The following FSIP1 variants were observed in gnomAD, a reference collection of about 807,000 sequenced individuals.
FSIP1 encodes fibrous sheath interacting protein 1.
FSIP1 carries 65 observed loss-of-function variants against 60.9 expected under a neutral mutation model. The ratio of observed to expected loss-of-function variants is 1.07; its 90% CI spans 0.87 to 1.31. The LOEUF is 1.31. Ranked by LOEUF, FSIP1 falls within the 40% of genes most tolerant of loss-of-function variation. The pLI is 0.00. For missense variants in FSIP1, 675 were observed against 665.5 expected (o/e 1.01, Z -0.16); for synonymous variants, 209 against 221.2 (o/e 0.94, Z 0.49).
rs367902540 is a variant in FSIP1, at chr15:39,691,891, T to G, written c.1188+21553A>C. ...GTGAGGGGGTAGATAGATAGATAGATAGAGAGCGAGTGATAGATAGAGAAT... is the reference window on the plus strand; with the variant it reads ...GTGAGGGGGTAGATAGATAGATAGAGAGAGAGCGAGTGATAGATAGAGAAT... On this transcript the variant is annotated intron_variant, in intron 10 of 11. Transcript: ENST00000350221. 1.5e-4 allele frequency among the ~76,000 whole-genome samples: 23 copies of G among 152,252 alleles called. No individual in the cohort carries two copies. The East Asian group carries it at 1.9e-3, about 13-fold the overall frequency.
At chr15:39,598,474 T>G (rs1297865706), downstream of FSIP1, 2 of 152,338 alleles carry the variant, frequency 1.3e-5, no homozygotes, top group Middle Eastern at 3.4e-3. Flanking sequence ...TTAAATACCA[T>G]CATTCATTAT....
At chr15:39,653,952 T>TA (rs1892975516) in intron 10 of FSIP1, among the ~76,000 whole-genome samples, 1 of 152,190 alleles carries the variant, frequency 6.6e-6, no homozygotes, top group African/African-American at 2.4e-5. Flanking sequence ...ATGGTACTGT[T>TA]AAAAACTAAA....
At chr15:39,621,911 A>C (rs956425708) in intron 10 of FSIP1, among the ~76,000 whole-genome samples, 1 of 152,210 alleles carries the variant, frequency 6.6e-6, no homozygotes, top group Non-Finnish European at 1.5e-5. Context: ...CCACAGTCAA[A>C]GCTCAGTCAA....
intron 8 of FSIP1, among the ~76,000 whole-genome samples, chr15:39,735,190 C>T (rs937781732): frequency 2.6e-5 from 4 of 152,132 alleles, no homozygotes; most frequent in South Asian, 2.1e-4. Flanking sequence ...TGTCGCTTAA[C>T]GACAGGAATA....
At chr15:39,651,717 A>G (rs538164734) in intron 10 of FSIP1, among the ~76,000 whole-genome samples, 7 of 152,350 alleles carry the variant, frequency 4.6e-5, no homozygotes, top group African/African-American at 1.4e-4. Flanking sequence ...AAAGAATTCT[A>G]TTAAACCTCT....
At chr15:39,613,195 T>A (rs1891097579) in intron 11 of FSIP1, among the ~76,000 whole-genome samples, 1 of 152,170 alleles carries the variant, frequency 6.6e-6, no homozygotes, top group Non-Finnish European at 1.5e-5. Flanking sequence ...CAATAACAAA[T>A]ACTTTTTAAA....
chr15:39,611,479 T>C (rs1375625313), intron 11 of FSIP1, among the ~76,000 whole-genome samples: 1 of 152,048 alleles, frequency 6.6e-6, no homozygotes, highest in African/African-American at 2.4e-5. Context: ...ATAAACCTGA[T>C]GGTAAACACA....
chr15:39,713,720 G>A lies in FSIP1; in HGVS notation c.1051-139C>T, dbSNP rs1895622931. On this transcript the variant is annotated intron_variant, in intron 9 of 11. Coordinates refer to ENST00000350221, the MANE Select transcript of FSIP1 (RefSeq NM_152597.5). ...TTCCCTTCAAAACAATATGTATAAC[G>A]CTTTAAAGTCTTCCCATTTTAGGAG... The A allele has an allele frequency of 1.9e-5, 13 of 688,444 alleles. 1 individual carries two copies. Among genetic ancestry groups the A allele is most frequent in the South Asian group, 1.1e-4 (4 of 37,092 alleles). The allele number at this position is 688,444 out of a possible 1,614,324, so 42.6% of individuals were successfully genotyped here. A position where few individuals can be genotyped will look rare whatever the true frequency, so the allele number is the denominator to read the frequency against.
intron 10 of FSIP1, among the ~76,000 whole-genome samples, chr15:39,684,371 C>A (rs1157053712): frequency 1.3e-5 from 2 of 152,192 alleles, no homozygotes; most frequent in African/African-American, 4.8e-5. Flanking sequence ...AGAACAGACA[C>A]TACAGCTGTG....
rs982586748 is a variant in FSIP1 at position 39,600,547 on chromosome 15, T to G, written c.*333A>C. 1 of 185,936 alleles carries G rather than the reference T, an allele frequency of 5.4e-6. No individual in the cohort carries two copies. The highest frequency in any genetic ancestry group is 2.4e-5 in the African/African-American group (1 of 42,268). The allele number at this position is 185,936 out of a possible 1,614,324, so 11.5% of individuals were successfully genotyped here. On this transcript the variant is annotated 3_prime_UTR_variant, in exon 12 of 12. Coordinates refer to ENST00000350221, the MANE Select transcript of FSIP1 (RefSeq NM_152597.5). ...CACAGTAGAGGTGAAACATACAAAA[T>G]TGAATACAGGACAATCACAGCACTT...
intron 10 of FSIP1, among the ~76,000 whole-genome samples, chr15:39,666,065 C>T (rs577522020): frequency 6.6e-6 from 1 of 152,274 alleles, no homozygotes; most frequent in East Asian, 1.9e-4. Context: ...CAATTTGGAG[C>T]CTCTGGTTAA....
rs1044013667 is a variant in FSIP1, at chr15:39,738,207, G to A, written c.781-6C>T. On this transcript the variant is annotated splice_polypyrimidine_tract_variant and splice_region_variant and intron_variant, in intron 7 of 11. Transcript: ENST00000350221. Reference sequence around the variant, plus strand: ...TTTCTTGATTCCTTGGCCAACTACAGAATTTATTAATGGAAAATATCATAT... The same window carrying A: ...TTTCTTGATTCCTTGGCCAACTACAAAATTTATTAATGGAAAATATCATAT... The A allele has an allele frequency of 6.4e-7, 1 of 1,565,816 alleles. No homozygotes were observed. Among genetic ancestry groups the A allele is most frequent in the Admixed American group, 1.7e-5 (1 of 57,546 alleles).
Position 39,604,117 on chromosome 15 carries a change from G to A in FSIP1, c.1700-3191C>T, listed in dbSNP as rs187589128. On this transcript the variant is annotated intron_variant, in intron 11 of 11. Coordinates refer to ENST00000350221, the MANE Select transcript of FSIP1 (RefSeq NM_152597.5). Reference sequence around the variant, plus strand: ...CGGCTAATTTTGTATTTTTAGTACAGATGGGGTTTCTCCGTGTTGGTTAGG... The same window carrying A: ...CGGCTAATTTTGTATTTTTAGTACAAATGGGGTTTCTCCGTGTTGGTTAGG... Among the ~76,000 whole-genome samples, 202 of 152,370 alleles carry A rather than the reference G, an allele frequency of 1.3e-3. 1 individual carries two copies. Among genetic ancestry groups the A allele is most frequent in the African/African-American group, 4.8e-3 (198 of 41,582 alleles).
chr15:39,716,812 CTTT>C (rs72106293), intron 9 of FSIP1, among the ~76,000 whole-genome samples: 2 of 110,210 alleles, frequency 1.8e-5, no homozygotes, highest in Admixed American at 1.1e-4. Context: ...CAGGCCATGT[CTTT>C]TTTTTTTTTT....
rs1898065803 is a variant in FSIP1, at chr15:39,776,412, GGTTCTGTTGA to G, written c.103_112del (p.Ser35GlnfsTer12). On this transcript the variant is annotated frameshift_variant, in exon 2 of 12. Transcript: ENST00000350221. LOFTEE classifies it high-confidence loss of function. The stretch of plus-strand genomic sequence containing the variant: ...AACGTAAATTACCTTGAAGGATCCT[GGTTCTGTTGA>G]GAGCACCTCCAAAGAAGCATTTGAA... 6.2e-7 allele frequency: 1 copy of G among 1,613,328 alleles called. No individual in the cohort carries two copies. The highest frequency in any genetic ancestry group is 8.5e-7 in the Non-Finnish European group (1 of 1,179,772).
intron 10 of FSIP1, among the ~76,000 whole-genome samples, chr15:39,658,104 T>A (rs1178724388): frequency 6.6e-6 from 1 of 152,184 alleles, no homozygotes; most frequent in African/African-American, 2.4e-5. Context: ...TTATTCTGTG[T>A]TTTTTAGCTT....
At chr15:39,610,209 A>C (rs1890975509) in intron 11 of FSIP1, among the ~76,000 whole-genome samples, 1 of 152,206 alleles carries the variant, frequency 6.6e-6, no homozygotes, top group Non-Finnish European at 1.5e-5. Context: ...TCTTATAATA[A>C]AATTCTAAGA....
Position 39,618,022 on chromosome 15 carries a change from A to G in FSIP1, c.1412T>C (p.Leu471Pro). ...QKTEVEDADM[L>P]ESEECEASKG... ...AGAAGCTTCACATTCTTCACTCTCAAGCATATCTGCATCTTCTACCTCAGT... is the reference window on the plus strand; with the variant it reads ...AGAAGCTTCACATTCTTCACTCTCAGGCATATCTGCATCTTCTACCTCAGT... The change falls in exon 11 of 12, where the codon CTT (leucine) becomes CCT (proline). Residue 471 changes from leucine (L) to proline (P), a missense_variant. Physicochemically the swap from Leu to Pro is moderately conservative, Grantham distance 98 (BLOSUM62 -3). Transcript: ENST00000350221. 1 of 1,614,160 alleles carries G rather than the reference A, an allele frequency of 6.2e-7. No individual in the cohort carries two copies. The highest frequency in any genetic ancestry group is 8.5e-7 in the Non-Finnish European group (1 of 1,180,012).
At chr15:39,619,165 T>C (rs1891352299) in intron 10 of FSIP1, among the ~76,000 whole-genome samples, 1 of 152,168 alleles carries the variant, frequency 6.6e-6, no homozygotes, top group African/African-American at 2.4e-5. Context: ...AAAAAATAAC[T>C]AAATATTCTG....
Sources: allele counts gnomAD v4.1 joint callset (sites outside exome capture counted in the v4.1 genomes callset), GRCh38; gene constraint gnomAD v4.1.1; transcripts MANE v1.5; gene names NCBI Gene and HGNC (gene_info 2026-07-23, HGNC 2026-07-21).